HOOK3: variants seen among roughly 807,000 people sequenced by gnomAD.
HOOK3 encodes hook microtubule tethering protein 3, also known as protein Hook homolog 3.
HOOK3 carries 24 observed loss-of-function variants against 116.3 expected under a neutral mutation model. The ratio of observed to expected loss-of-function variants is 0.21; its 90% CI spans 0.15 to 0.29. The LOEUF is 0.29. HOOK3 is among the 10% of genes least tolerant of loss of function. HOOK3 has a pLI of 1.00. For synonymous variants in HOOK3, 275 were observed against 283.0 expected (o/e 0.97, Z 0.28); for missense variants, 632 against 830.2 (o/e 0.76, Z 2.93).
intron 16 of HOOK3, 51 bp from the exon 17 acceptor site, chr8:43,002,056 T>C: frequency 8.5e-7 from 1 of 1,172,714 alleles, no homozygotes. Context: ...AAGAAAATAC[T>C]ATTTTAGTTA....
intron 5 of HOOK3, among the ~76,000 whole-genome samples, chr8:42,948,913 A>G (rs1346853844): frequency 1.3e-5 from 2 of 152,248 alleles, no homozygotes; most frequent in African/African-American, 4.8e-5. Flanking sequence ...TAACCAAACA[A>G]TCGATTGGGT....
chr8:42,922,775 C>T (rs1314514598), intron 2 of HOOK3, among the ~76,000 whole-genome samples: 1 of 151,096 alleles, frequency 6.6e-6, no homozygotes, highest in Non-Finnish European at 1.5e-5. Flanking sequence ...TGGTGCACGC[C>T]TGTAAGCCCA....
chr8:42,981,200 C>T (rs1808935004), intron 13 of HOOK3, among the ~76,000 whole-genome samples: 1 of 151,568 alleles, frequency 6.6e-6, no homozygotes, highest in African/African-American at 2.4e-5. Flanking sequence ...TACAGGCATG[C>T]ATCACCATGC....
chr8:43,015,126 G>A (rs1809686720), intron 21 of HOOK3, among the ~76,000 whole-genome samples: 1 of 151,890 alleles, frequency 6.6e-6, no homozygotes, highest in Non-Finnish European at 1.5e-5. Flanking sequence ...GACAGAGTGA[G>A]ACTCTGTCTC....
intron 15 of HOOK3, chr8:42,994,362 C>T (rs1360870901): frequency 5.6e-6 from 2 of 357,332 alleles, no homozygotes; most frequent in Non-Finnish European, 1.1e-5. Flanking sequence ...GTTTGGTTTG[C>T]TCTTCCTTTT....
chr8:42,970,805 T>TTTTTTTTTG (rs1808713991), intron 11 of HOOK3, among the ~76,000 whole-genome samples: 1 of 145,416 alleles, frequency 6.9e-6, no homozygotes, highest in African/African-American at 2.5e-5. Context: ...TTTTTTTTTC[T>TTTTTTTTTG]GAGACAGGGT....
In HOOK3 at chr8:42,930,494, A is replaced by G. The variant is rs143276554; in HGVS notation, c.267+322A>G. On this transcript the variant is annotated intron_variant, in intron 4 of 21. Transcript: ENST00000307602. ...AGTTCATGCACCATTGTCTACTTTC[A>G]TTTTATTCCTTGGCAAACCCCCCAC... is the stretch of plus-strand genomic sequence containing the variant. 5.2e-3 allele frequency among the ~76,000 whole-genome samples: 791 copies of G among 152,112 alleles called. 13 individuals carry two copies. Among genetic ancestry groups the G allele is most frequent in the African/African-American group, 0.018 (754 of 41,474 alleles).
intron 1 of HOOK3, among the ~76,000 whole-genome samples, chr8:42,903,149 G>A (rs192200314): frequency 2.0e-5 from 3 of 152,248 alleles, no homozygotes; most frequent in Admixed American, 2.0e-4. Context: ...TCTACCAGGT[G>A]TTTGGTTTGT....
intron 15 of HOOK3, among the ~76,000 whole-genome samples, chr8:42,990,741 A>G (rs553339382): frequency 6.6e-6 from 1 of 151,854 alleles, no homozygotes; most frequent in South Asian, 2.1e-4. Flanking sequence ...TGAGATGGGG[A>G]GTTTGCATGT....
intron 21 of HOOK3, among the ~76,000 whole-genome samples, chr8:43,018,154 G>A (rs1175955429): frequency 1.3e-5 from 2 of 152,152 alleles, no homozygotes; most frequent in African/African-American, 4.8e-5. Context: ...AGACAATTAA[G>A]CCTGAATTTT....
intron 4 of HOOK3, among the ~76,000 whole-genome samples, chr8:42,930,431 TTCTG>T (rs1174323905): frequency 6.6e-6 from 1 of 152,218 alleles, no homozygotes; most frequent in Non-Finnish European, 1.5e-5. Flanking sequence ...CATCTATTAA[TTCTG>T]TCTTTTTTCC....
chr8:42,964,922 A>G (rs1334986592), intron 9 of HOOK3, among the ~76,000 whole-genome samples: 1 of 152,248 alleles, frequency 6.6e-6, no homozygotes, highest in African/African-American at 2.4e-5. Flanking sequence ...CTCCTCACAC[A>G]ACATGAAACT....
At chr8:42,999,413 G>A (rs571736612) in intron 16 of HOOK3, among the ~76,000 whole-genome samples, 1 of 152,216 alleles carries the variant, frequency 6.6e-6, no homozygotes, top group African/African-American at 2.4e-5. Context: ...AAAAGATTCA[G>A]ATAGCTGAAA....
chr8:42,980,399 C>A (rs548881279), intron 13 of HOOK3, among the ~76,000 whole-genome samples: 1 of 152,166 alleles, frequency 6.6e-6, no homozygotes, highest in East Asian at 1.9e-4. Flanking sequence ...TAGGTTTTAA[C>A]CTTGCCGCTA....
At chr8:42,950,253 A>G in intron 5 of HOOK3, 135 bp from the exon 6 acceptor site, 1 of 598,614 alleles carries the variant, frequency 1.7e-6, no homozygotes, top group Non-Finnish European at 3.0e-6. Flanking sequence ...CAATACATTT[A>G]ATGGTGTATG....
intron 11 of HOOK3, among the ~76,000 whole-genome samples, chr8:42,972,797 T>G (rs1289549354): frequency 6.6e-6 from 1 of 152,318 alleles, no homozygotes; most frequent in East Asian, 1.9e-4. Context: ...TTGCTACCTT[T>G]TAGAGCCCAG....
chr8:42,980,044 A>C (rs1183195997), intron 13 of HOOK3, among the ~76,000 whole-genome samples: 1 of 148,134 alleles, frequency 6.8e-6, no homozygotes, highest in South Asian at 2.1e-4. Flanking sequence ...GCTCACTGCA[A>C]CCTCCACCTC....
chr8:42,942,993 C>G lies in HOOK3; in HGVS notation c.268-320C>G, dbSNP rs143076876. On this transcript the variant is annotated intron_variant, in intron 4 of 21. Transcript: ENST00000307602. ...TTTAATCTTAGCTCTTTCTGGTGCC[C>G]CCTAGTTCATAACCATTTTAGTTCT... 5.3e-5 allele frequency among the ~76,000 whole-genome samples: 8 copies of G among 152,220 alleles called. No homozygotes were observed. The East Asian group carries it at 1.5e-3, about 29-fold the overall frequency.
Position 42,934,440 on chromosome 8 carries a change from C to T in HOOK3, c.267+4268C>T, listed in dbSNP as rs549665076. Among the ~76,000 whole-genome samples the T allele has an allele frequency of 3.9e-5, 6 of 152,058 alleles. No homozygotes were observed. In the South Asian group the frequency reaches 8.3e-4, roughly 21 times the overall value. On this transcript the variant is annotated intron_variant, in intron 4 of 21. Transcript: ENST00000307602. ...TAAGTTCTGAGATACATGTGCAGAA[C>T]GTGCAGGTTTGTTACATAGCTATAC...
Sources: gnomAD v4.1 joint callset for allele counts (sites outside exome capture counted in the v4.1 genomes callset) on GRCh38, gnomAD v4.1.1 for gene constraint, MANE v1.5 for transcripts, NCBI Gene and HGNC (gene_info 2026-07-23, HGNC 2026-07-21) for gene names.